Variants in DUSP10 observed in about 807,000 individuals in gnomAD.
DUSP10 encodes dual specificity protein phosphatase 10.
A neutral mutation model predicts 30.8 loss-of-function variants in DUSP10; 14 were observed. The ratio of observed to expected loss-of-function variants is 0.46; its 90% CI spans 0.30 to 0.71. The LOEUF is 0.71. Among genes scored for constraint, DUSP10 ranks in the 30% least tolerant of loss-of-function variants. The pLI, the probability that DUSP10 is intolerant of heterozygous loss-of-function variation, is 0.08. For synonymous variants in DUSP10, 254 were observed against 250.4 expected, an observed-to-expected ratio of 1.01 and a Z score of -0.14; for missense variants, 550 against 619.4, an observed-to-expected ratio of 0.89 and a Z score of 1.19.
intron 2 of DUSP10, among the ~76,000 whole-genome samples, chr1:221,733,754 T>G (rs1455809896): frequency 6.6e-6 from 1 of 152,196 alleles, no homozygotes; most frequent in Non-Finnish European, 1.5e-5. Flanking sequence ...CTGATTTGCC[T>G]AAAGGCATAC....
chr1:221,710,382 T>C (rs1412240946), intron 2 of DUSP10, among the ~76,000 whole-genome samples: 3 of 152,198 alleles, frequency 2.0e-5, no homozygotes, highest in Admixed American at 6.5e-5. Flanking sequence ...TCAGTTTCCC[T>C]GTATACAAAA....
chr1:221,711,981 T>C (rs1660949377), intron 2 of DUSP10, among the ~76,000 whole-genome samples: 1 of 152,164 alleles, frequency 6.6e-6, no homozygotes, highest in Non-Finnish European at 1.5e-5. Flanking sequence ...TCAGAGTCAC[T>C]TCATAAGTTT....
At chr1:221,737,036 A>G in intron 2 of DUSP10, 1 of 985,484 alleles carries the variant, frequency 1.0e-6, no homozygotes, top group Non-Finnish European at 1.2e-6. Context: ...CTGCATCCAC[A>G]GGAAAGGGAG....
chr1:221,739,442 G>T lies in DUSP10; in HGVS notation c.303C>A (p.Thr101=). 1.9e-6 allele frequency: 3 copies of T among 1,614,222 alleles called. No homozygotes were observed. The highest frequency in any genetic ancestry group is 1.1e-5 in the South Asian group (1 of 91,084). The change falls in exon 2 of 4, where the codon ACC becomes ACA. Residue 101 remains threonine (T), a synonymous_variant. Transcript: ENST00000366899. ...QAQTQAIAAG[T]TTTAIGTSTT... ...TAGAGGTTCCGATGGCAGTGGTGGT[G>T]GTGCCAGCGGCAATGGCTTGGGTTT... is the stretch of plus-strand genomic sequence containing the variant.
At position 221,739,766 on chromosome 1, in the gene DUSP10, T is replaced by G. The variant is rs1302035589; in HGVS notation, c.-22A>C. On this transcript the variant is annotated 5_prime_UTR_variant, in exon 2 of 4. Coordinates refer to ENST00000366899, the MANE Select transcript of DUSP10 (RefSeq NM_007207.6). ...GCATGAGGAGGCTGAAAACTGGCAATTCAAGAAGAACTCAAGACAGTCTGT... is the reference window on the plus strand; with the variant it reads ...GCATGAGGAGGCTGAAAACTGGCAAGTCAAGAAGAACTCAAGACAGTCTGT... 1.3e-6 allele frequency: 2 copies of G among 1,550,272 alleles called. No individual in the cohort carries two copies. Among genetic ancestry groups the G allele is most frequent in the Non-Finnish European group, 8.7e-7 (1 of 1,149,544 alleles).
intron 1 of DUSP10, among the ~76,000 whole-genome samples, chr1:221,741,540 C>T (rs1045727123): frequency 6.6e-6 from 1 of 152,106 alleles, no homozygotes; most frequent in Non-Finnish European, 1.5e-5. Context: ...CTGAGCTATC[C>T]CCTCTCCCTT....
At chr1:221,712,717 A>G (rs1660974759) in intron 2 of DUSP10, among the ~76,000 whole-genome samples, 1 of 149,870 alleles carries the variant, frequency 6.7e-6, no homozygotes, top group Admixed American at 6.7e-5. Context: ...AGACACAGTT[A>G]TCTACAGATA....
intron 2 of DUSP10, among the ~76,000 whole-genome samples, chr1:221,736,135 C>T (rs138242670): frequency 1.4e-3 from 219 of 152,246 alleles, no homozygotes; most frequent in South Asian, 0.01. Context: ...TCTTCCCAAC[C>T]TGACACAGCA....
intron 1 of DUSP10, among the ~76,000 whole-genome samples, chr1:221,740,526 T>C (rs1350551291): frequency 6.6e-6 from 1 of 152,200 alleles, no homozygotes; most frequent in Non-Finnish European, 1.5e-5. Context: ...GAGCCAGATC[T>C]GGAAACCTGG....
intron 2 of DUSP10, among the ~76,000 whole-genome samples, chr1:221,709,002 T>TAAA (rs58346899): frequency 6.4e-5 from 9 of 139,886 alleles, no homozygotes; most frequent in African/African-American, 2.4e-4. Context: ...GCAGCTAGTT[T>TAAA]AAAAAAAAAA....
rs1447603228 is a variant in DUSP10 at position 221,701,981 on chromosome 1, G to C, written c.*431C>G. On this transcript the variant is annotated 3_prime_UTR_variant, in exon 4 of 4. Coordinates refer to ENST00000366899, the MANE Select transcript of DUSP10 (RefSeq NM_007207.6). ...TGGTTGGGTTTTTGTTTTCTGTGTG[G>C]ACAGCCCAGGTTGATCCCAGGCCTT... 6.2e-6 allele frequency: 1 copy of C among 160,022 alleles called. No homozygotes were observed. Among genetic ancestry groups the C allele is most frequent in the African/African-American group, 2.4e-5 (1 of 41,476 alleles). The allele number at this position is 160,022 out of a possible 1,614,324, so 9.9% of individuals were successfully genotyped here.
rs1349950741 is a variant in DUSP10 at position 221,702,098 on chromosome 1, T to G, written c.*314A>C. The G allele has an allele frequency of 1.3e-5, 4 of 302,186 alleles. No homozygotes were observed. Among genetic ancestry groups the G allele is most frequent in the Non-Finnish European group, 2.5e-5 (4 of 159,864 alleles). 18.7% of individuals were successfully genotyped at this position (302,186 alleles called of 1,614,324 possible). On this transcript the variant is annotated 3_prime_UTR_variant, in exon 4 of 4. Transcript: ENST00000366899. This position sits in a 1 kb window ranked among gnomAD's most constrained non-coding sequence, Gnocchi z 4.5. ...CGGTCTATGAACCTGCACAGACTAT[T>G]TAGTCATAAACTCTACAAATAGCTT...
At chr1:221,710,000 C>G (rs925767544) in intron 2 of DUSP10, among the ~76,000 whole-genome samples, 5 of 152,184 alleles carry the variant, frequency 3.3e-5, no homozygotes, top group African/African-American at 1.2e-4. Context: ...CCACACCTAG[C>G]TGCAGTTATG....
chr1:221,710,907 TAGCCATG>T (rs1660916607), intron 2 of DUSP10, among the ~76,000 whole-genome samples: 1 of 152,068 alleles, frequency 6.6e-6, no homozygotes, highest in Admixed American at 6.5e-5. Flanking sequence ...GAACATATTG[TAGCCATG>T]AGCAACAATG....
At chr1:221,724,054 T>A (rs1194829993) in intron 2 of DUSP10, among the ~76,000 whole-genome samples, 2 of 152,152 alleles carry the variant, frequency 1.3e-5, no homozygotes, top group Non-Finnish European at 2.9e-5. Flanking sequence ...ACAAAGACAC[T>A]CCTAACACTC....
At position 221,706,188 on chromosome 1, in the gene DUSP10, C is replaced by T. The variant is rs1660754196; in HGVS notation, c.1090G>A (p.Glu364Lys). 3 of 1,614,132 alleles carry T rather than the reference C, an allele frequency of 1.9e-6. No homozygotes were observed. The highest frequency in any genetic ancestry group is 1.7e-6 in the Non-Finnish European group (2 of 1,180,024). ...VTTHLPLYHY[E>K]KGLFNYKRLP... Reference sequence around the variant, plus strand: ...CGCTTGTAGTTGAACAGGCCTTTCTCATAGTGGTAGAGGGGAAGATGAGTG... The same window carrying T: ...CGCTTGTAGTTGAACAGGCCTTTCTTATAGTGGTAGAGGGGAAGATGAGTG... Residue 364 changes from glutamate to lysine, a missense_variant, in exon 3 of 4, where the codon GAG becomes AAG. Physicochemically the swap from Glu to Lys is moderately conservative, Grantham distance 56. Coordinates refer to ENST00000366899, the MANE Select transcript of DUSP10 (RefSeq NM_007207.6). This position sits in a 1 kb window ranked among gnomAD's most constrained non-coding sequence, Gnocchi z 4.6.
Position 221,739,421 on chromosome 1 carries a change from G to A in DUSP10, c.324C>T (p.Thr108=). The A allele has an allele frequency of 1.2e-6, 2 of 1,614,224 alleles. No individual in the cohort carries two copies. The highest frequency in any genetic ancestry group is 1.7e-6 in the Non-Finnish European group (2 of 1,180,040). The change falls in exon 2 of 4, where the codon ACC becomes ACT. Residue 108 remains threonine (T), a synonymous_variant. Coordinates refer to ENST00000366899, the MANE Select transcript of DUSP10 (RefSeq NM_007207.6). ...AAGTTTTAIG[T]STTCPANQMV... is the part of the protein sequence containing the mutation. ...TCTGGTTAGCAGGGCAGGTGGTAGA[G>A]GTTCCGATGGCAGTGGTGGTGGTGC...
chr1:221,738,014 C>A (rs538915835), intron 2 of DUSP10, among the ~76,000 whole-genome samples: 2 of 152,146 alleles, frequency 1.3e-5, no homozygotes, highest in South Asian at 4.1e-4. Flanking sequence ...TAAAAGATGC[C>A]GAATGAGAGT....
intron 2 of DUSP10, among the ~76,000 whole-genome samples, chr1:221,737,665 AG>A (rs1375841890): frequency 1.3e-5 from 2 of 152,162 alleles, no homozygotes; most frequent in East Asian, 3.9e-4. Flanking sequence ...TAGCCCCATG[AG>A]GGCAAGTTTG....
Sources: allele counts gnomAD v4.1 joint callset (sites outside exome capture counted in the v4.1 genomes callset), GRCh38; gene constraint gnomAD v4.1.1; non-coding constraint Gnocchi (gnomAD v3.1); transcripts MANE v1.5; gene names NCBI Gene and HGNC (gene_info 2026-07-23, HGNC 2026-07-21).